FBXO21: variants seen among roughly 807,000 people sequenced by gnomAD.
The protein encoded by FBXO21 is F-box only protein 21.
A neutral mutation model predicts 76.6 loss-of-function variants in FBXO21; 32 were observed. That is an observed-to-expected ratio of 0.42 (90% CI 0.32 to 0.56). The LOEUF is 0.56. Ranked by LOEUF, FBXO21 falls within the 20% of genes least tolerant of loss-of-function variation. The pLI, the probability that FBXO21 is intolerant of heterozygous loss-of-function variation, is 0.16. For missense variants in FBXO21, 586 were observed against 797.3 expected (o/e 0.73, Z 3.19); for synonymous variants, 328 against 311.5 (o/e 1.05, Z -0.56).
intron 7 of FBXO21, among the ~76,000 whole-genome samples, chr12:117,169,481 T>C (rs759653675): frequency 1.3e-4 from 19 of 151,810 alleles, no homozygotes; most frequent in Non-Finnish European, 2.5e-4. Flanking sequence ...AGAAATTCTA[T>C]TACAACAAAA....
At chr12:117,181,599 GTCTATCTATCTATCTATCT>G (rs1343582519) in intron 3 of FBXO21, among the ~76,000 whole-genome samples, 37 of 145,662 alleles carry the variant, frequency 2.5e-4, no homozygotes, top group African/African-American at 7.8e-4. Flanking sequence ...ATCTGAGACA[GTCTATCTATCTATCTATCT>G]ATCTATCTAT....
chr12:117,147,468 G>A (rs1166519189), intron 11 of FBXO21, among the ~76,000 whole-genome samples: 1 of 150,064 alleles, frequency 6.7e-6, no homozygotes, highest in Non-Finnish European at 1.5e-5. Flanking sequence ...GCGTCATGGC[G>A]GGCGTCTGTA....
intron 2 of FBXO21, 126 bp downstream of exon 2, chr12:117,189,101 A>T (rs1183208330): frequency 1.9e-6 from 2 of 1,053,226 alleles, no homozygotes; most frequent in Non-Finnish European, 1.4e-6. Flanking sequence ...CAGCCATCTA[A>T]GTGAGTAAGG....
At chr12:117,181,148 G>A (rs1189577068) in intron 3 of FBXO21, among the ~76,000 whole-genome samples, 3 of 152,088 alleles carry the variant, frequency 2.0e-5, no homozygotes, top group Non-Finnish European at 2.9e-5. Context: ...TTTTGGGGCG[G>A]GGAGTGGTTT....
chr12:117,157,084 G>A (rs1418731143), intron 10 of FBXO21, among the ~76,000 whole-genome samples: 2 of 151,982 alleles, frequency 1.3e-5, no homozygotes, highest in Admixed American at 1.3e-4. Flanking sequence ...CTGGGAGGCT[G>A]AGGCATGAGA....
At chr12:117,189,053 T>G in intron 2 of FBXO21, 174 bp downstream of exon 2, 3 of 700,856 alleles carry the variant, frequency 4.3e-6, no homozygotes, top group Non-Finnish European at 7.1e-6. Flanking sequence ...AATGGCTTCG[T>G]GTTGTTGGAT....
intron 4 of FBXO21, 77 bp from the exon 5 acceptor site, chr12:117,174,874 T>C: frequency 6.8e-6 from 10 of 1,468,758 alleles, no homozygotes; most frequent in Non-Finnish European, 9.4e-6. Context: ...ACCCTGGACA[T>C]CCTGGGACAT....
At chr12:117,150,022 G>A (rs1030483199) in intron 11 of FBXO21, among the ~76,000 whole-genome samples, 2 of 152,200 alleles carry the variant, frequency 1.3e-5, no homozygotes, top group African/African-American at 4.8e-5. Context: ...AGCAAGGACT[G>A]GATTTGGTGC....
In FBXO21 at chr12:117,157,784, A is replaced by G. The variant is rs563341637; in HGVS notation, c.1517+89T>C. 15 of 1,175,002 alleles carry G rather than the reference A, an allele frequency of 1.3e-5. No homozygotes were observed. The South Asian group carries it at 2.2e-4, about 17-fold the overall frequency. 72.8% of individuals were successfully genotyped at this position (1,175,002 alleles called of 1,614,324 possible). ...AAGTGATCCAGTCAGCTCCTCCTCC[A>G]CTGTGTCCTGGGGGCTCACCAGGTG... is the stretch of plus-strand genomic sequence containing the variant. On this transcript the variant is annotated intron_variant, in intron 10 of 11. Transcript: ENST00000622495.
intron 10 of FBXO21, 63 bp from the exon 11 acceptor site, chr12:117,156,011 C>A (rs1052342293): frequency 1.1e-5 from 17 of 1,532,128 alleles, no homozygotes; most frequent in Non-Finnish European, 1.4e-5. Context: ...TCCAGACAAC[C>A]GCGTGGCTTC....
chr12:117,156,309 A>T (rs933531067), intron 10 of FBXO21, among the ~76,000 whole-genome samples: 1 of 152,330 alleles, frequency 6.6e-6, no homozygotes, highest in African/African-American at 2.4e-5. Context: ...AAGATAGGGA[A>T]GGTTTGTTAA....
At position 117,143,671 on chromosome 12, in the gene FBXO21, TCAG is replaced by T. The variant is rs1293419180; in HGVS notation, c.*2413_*2415del. 6.6e-6 allele frequency: 1 copy of T among 152,598 alleles called. No individual in the cohort carries two copies. The highest frequency in any genetic ancestry group is 1.5e-5 in the Non-Finnish European group (1 of 68,032). The allele number at this position is 152,598 out of a possible 1,614,324, so 9.5% of individuals were successfully genotyped here. A position where few individuals can be genotyped will look rare whatever the true frequency, so the allele number is the denominator to read the frequency against. On this transcript the variant is annotated 3_prime_UTR_variant, in exon 12 of 12. Transcript: ENST00000622495. ...TCCGCTCACCAATGCTCAGAAAAATTCAGCAGAACATACTTTTCATATTTAGAT... is the reference window on the plus strand; with the variant it reads ...TCCGCTCACCAATGCTCAGAAAAATTCAGAACATACTTTTCATATTTAGAT...
intron 11 of FBXO21, among the ~76,000 whole-genome samples, chr12:117,150,515 G>A (rs189720199): frequency 5.8e-4 from 89 of 152,304 alleles, no homozygotes; most frequent in African/African-American, 1.8e-3. Context: ...ACTGCTTTAT[G>A]TGTGTGTACT....
intron 4 of FBXO21, among the ~76,000 whole-genome samples, chr12:117,175,109 G>T (rs1349080801): frequency 2.0e-5 from 3 of 151,894 alleles, no homozygotes; most frequent in Non-Finnish European, 4.4e-5. Flanking sequence ...ACATCAAGGA[G>T]ATCTTTTCAA....
intron 7 of FBXO21, among the ~76,000 whole-genome samples, chr12:117,168,546 T>C (rs1232793800): frequency 6.6e-6 from 1 of 151,070 alleles, no homozygotes; most frequent in East Asian, 1.9e-4. Context: ...AAAAATAAAA[T>C]AAATAAACCT....
chr12:117,154,230 G>C (rs1955884517), intron 11 of FBXO21: 1 of 152,172 alleles, frequency 6.6e-6, no homozygotes, highest in African/African-American at 2.4e-5. Context: ...ATTACCGTTG[G>C]TGCCTCCATC....
intron 10 of FBXO21, among the ~76,000 whole-genome samples, chr12:117,157,593 TCACA>T (rs1002331527): frequency 4.6e-5 from 7 of 152,188 alleles, no homozygotes; most frequent in African/African-American, 1.7e-4. Flanking sequence ...TTCCATGTTC[TCACA>T]CACAGAGAAG....
intron 3 of FBXO21, among the ~76,000 whole-genome samples, chr12:117,180,763 T>C (rs1566007410): frequency 6.6e-6 from 1 of 152,112 alleles, no homozygotes; most frequent in African/African-American, 2.4e-5. Context: ...ATAGCTGGGA[T>C]TACAGGCTGC....
chr12:117,153,268 G>T (rs528199258), intron 11 of FBXO21, among the ~76,000 whole-genome samples: 2 of 152,090 alleles, frequency 1.3e-5, no homozygotes, highest in South Asian at 2.1e-4. Flanking sequence ...CAGATGTATC[G>T]CGAGGGCAAG....
Sources: allele counts gnomAD v4.1 joint callset (sites outside exome capture counted in the v4.1 genomes callset), GRCh38; gene constraint gnomAD v4.1.1; transcripts MANE v1.5; gene names NCBI Gene and HGNC (gene_info 2026-07-23, HGNC 2026-07-21).